Variants in DTYMK observed in about 807,000 individuals in gnomAD.
DTYMK encodes the protein thymidylate kinase.
In DTYMK, 20 loss-of-function variants were observed where a neutral mutation model predicts 20.3. The ratio of observed to expected loss-of-function variants is 0.99; its 90% confidence interval spans 0.69 to 1.43. The LOEUF is 1.43. Ranked by LOEUF, DTYMK falls within the 40% of genes most tolerant of loss-of-function variation. DTYMK has a pLI of 0.00. For synonymous variants in DTYMK, 148 were observed against 124.4 expected (o/e 1.19, Z -1.27); for missense variants, 320 against 291.1 (o/e 1.10, Z -0.72).
At chr2:241,676,290 C>T (rs908381373) in intron 4 of DTYMK, 53 bp from the exon 5 acceptor site, 75 of 1,541,732 alleles carry the variant, frequency 4.9e-5, no homozygotes, top group Middle Eastern at 4.3e-4. Flanking sequence ...ACGTTCCAGG[C>T]TGGTCACGGG....
intron 2 of DTYMK, chr2:241,682,294 T>C (rs779283732): frequency 4.4e-6 from 2 of 452,782 alleles, no homozygotes; most frequent in Non-Finnish European, 8.9e-6. Flanking sequence ...TAAGCTGTGA[T>C]TGCGCACTGC....
At chr2:241,685,950 CTGAATTTCTCCCGGACTCAAGTCTCACGT>C in intron 1 of DTYMK, 73 bp from the exon 2 acceptor site, 1 of 1,450,348 alleles carries the variant, frequency 6.9e-7, no homozygotes, top group Non-Finnish European at 9.6e-7. Context: ...ATAGTTTGGA[CTGAATTTCTCCCGGACTCAAGTCTCACGT>C]TGAATTTTAC....
intron 4 of DTYMK, among the ~76,000 whole-genome samples, chr2:241,678,003 C>T (rs963237361): frequency 9.2e-5 from 14 of 152,128 alleles, no homozygotes; most frequent in African/African-American, 2.4e-4. Context: ...TGGCCGGGCG[C>T]GATGGCTCAT....
At chr2:241,680,405 A>G (rs745705929) in intron 2 of DTYMK, 86 bp from the exon 3 acceptor site, 512 of 1,443,566 alleles carry the variant, frequency 3.5e-4, no homozygotes, top group Non-Finnish European at 4.4e-4. Flanking sequence ...GGCTGTGCGC[A>G]GTGGCTCACC....
intron 4 of DTYMK, 95 bp downstream of exon 4, chr2:241,678,357 G>T: frequency 6.5e-7 from 1 of 1,543,964 alleles, no homozygotes. Context: ...AGACGGAAAC[G>T]GCAGCAGCTT....
At chr2:241,685,698 G>T in intron 2 of DTYMK, 71 bp downstream of exon 2, 3 of 1,462,066 alleles carry the variant, frequency 2.1e-6, no homozygotes, top group Non-Finnish European at 2.9e-6. Context: ...AGAATCGAGT[G>T]CTGCGTTCAC....
rs200430731 is a variant in DTYMK at position 241,678,496 on chromosome 2, G to A, written c.484C>T (p.Arg162Trp). Residue 162 changes from arginine (R) to tryptophan (W), a missense_variant, in exon 4 of 5, where the codon CGG becomes TGG. Arg to Trp is a moderately radical substitution (Grantham distance 101). Transcript: ENST00000305784. ...TCTTTCATGAGCTGGTGGAAACACC[G>A]GAGCGCCCGCTCCTGGAAAGCCCCG... is the stretch of plus-strand genomic sequence containing the variant. ...ENGAFQERALRCFHQLMKDTT... is the reference protein window; with the variant it reads ...ENGAFQERALWCFHQLMKDTT... 5.0e-6 allele frequency: 8 copies of A among 1,614,176 alleles called. No homozygotes were observed. Among genetic ancestry groups the A allele is most frequent in the East Asian group, 2.2e-5 (1 of 44,880 alleles).
chr2:241,679,394 G>C lies in DTYMK; in HGVS notation c.331-745C>G, dbSNP rs147976535. Among the ~76,000 whole-genome samples the C allele has an allele frequency of 1.1e-3, 168 of 152,346 alleles. 1 individual carries two copies. Among genetic ancestry groups the C allele is most frequent in the African/African-American group, 3.8e-3 (156 of 41,576 alleles). On this transcript the variant is annotated intron_variant, in intron 3 of 4. Coordinates refer to ENST00000305784, the MANE Select transcript of DTYMK (RefSeq NM_012145.4). ...GCAGGAAGAAGCAAAGGAATCATGA[G>C]TCTTGTCCTCCTTATTATACAACGT...
At chr2:241,680,732 G>C (rs551326442) in intron 2 of DTYMK, among the ~76,000 whole-genome samples, 2 of 152,224 alleles carry the variant, frequency 1.3e-5, no homozygotes, top group East Asian at 3.9e-4. Flanking sequence ...ATGACAACAA[G>C]TACAGCACAG....
rs187813153 is a variant in DTYMK at position 241,685,426 on chromosome 2, G to A, written c.239+343C>T. 1,290 of 178,602 alleles carry A rather than the reference G, an allele frequency of 7.2e-3. 7 individuals are homozygous for A. The highest frequency in any genetic ancestry group is 0.011 in the Non-Finnish European group (958 of 85,332). The allele number at this position is 178,602 out of a possible 1,614,324, so 11.1% of individuals were successfully genotyped here. A position where few individuals can be genotyped will look rare whatever the true frequency, so the allele number is the denominator to read the frequency against. ...GGCGCGCCTGTAGTCCCAGCTACTC[G>A]GGAGGCTGACGCAGGAGAATCGCTT... On this transcript the variant is annotated intron_variant, in intron 2 of 4. Coordinates refer to ENST00000305784, the MANE Select transcript of DTYMK (RefSeq NM_012145.4).
At position 241,676,230 on chromosome 2, in the gene DTYMK, TCCACCATCTGTTC is replaced by T; in HGVS notation, c.529-6_535del. 1 of 1,611,000 alleles carries T rather than the reference TCCACCATCTGTTC, an allele frequency of 6.2e-7. No homozygotes were observed. Among genetic ancestry groups the T allele is most frequent in the Non-Finnish European group, 8.5e-7 (1 of 1,179,076 alleles). On this transcript the variant is annotated splice_acceptor_variant and splice_polypyrimidine_tract_variant and coding_sequence_variant and intron_variant, in exon 5 of 5. Transcript: ENST00000305784. LOFTEE classifies it high-confidence loss of function. ...GACAGCTTCGATGCTTTTGGAAGCA[TCCACCATCTGTTC>T]CCACCGGGGTTTCAGGAGAAAAAGA...
In DTYMK at chr2:241,685,854, G is replaced by A. The variant is rs1428126472; in HGVS notation, c.154C>T (p.Leu52Phe). The change falls in exon 2 of 5, where the codon CTT becomes TTT. Residue 52 changes from leucine (L) to phenylalanine (F), a missense_variant. Transcript: ENST00000305784. ...FPERSTEIGK[L>F]LSSYLQKKSD... ...TTCTTTTGCAAGTAGGAACTCAGAA[G>A]TTTGCCGATTTCAGTTGATCTTTCT... The A allele has an allele frequency of 6.2e-7, 1 of 1,614,028 alleles. No homozygotes were observed. The highest frequency in any genetic ancestry group is 1.3e-5 in the African/African-American group (1 of 74,920).
chr2:241,685,482 G>A (rs2069366788), intron 2 of DTYMK: 1 of 243,388 alleles, frequency 4.1e-6, no homozygotes, highest in Non-Finnish European at 7.9e-6. Flanking sequence ...GCAGTGAGCC[G>A]AGATCACACC....
chr2:241,684,719 A>C (rs1372854780), intron 2 of DTYMK: 2 of 467,326 alleles, frequency 4.3e-6, no homozygotes, highest in East Asian at 1.4e-4. Flanking sequence ...AACACACATC[A>C]ACATTAAGTG....
chr2:241,676,418 C>T (rs1395254714), intron 4 of DTYMK, among the ~76,000 whole-genome samples, 181 bp from the exon 5 acceptor site: 1 of 151,178 alleles, frequency 6.6e-6, no homozygotes, highest in African/African-American at 2.5e-5. Flanking sequence ...AAAAATGTGG[C>T]ACCACTCTAC....
In DTYMK at chr2:241,685,736, A is replaced by G. The variant is rs2069376110; in HGVS notation, c.239+33T>C. The G allele has an allele frequency of 1.9e-6, 3 of 1,594,798 alleles. No individual in the cohort carries two copies. The East Asian group carries it at 6.7e-5, about 36-fold the overall frequency. On this transcript the variant is annotated intron_variant, in intron 2 of 4. Coordinates refer to ENST00000305784, the MANE Select transcript of DTYMK (RefSeq NM_012145.4). ...AATCTCAGGAGGAAGGAAAGTGGCA[A>G]GGGCAGAGGGAGCAGTGTGCAATGG...
chr2:241,684,985 T>C (rs1451733132), intron 2 of DTYMK: 1 of 242,342 alleles, frequency 4.1e-6, no homozygotes, highest in African/African-American at 2.3e-5. Flanking sequence ...AGGCCAGGGG[T>C]TTGAGACCAG....
At position 241,686,727 on chromosome 2, in the gene DTYMK, C is replaced by T. The variant is rs2069425277; in HGVS notation, c.57G>A (p.Lys19=). 25 of 1,546,302 alleles carry T rather than the reference C, an allele frequency of 1.6e-5. No homozygotes were observed. The highest frequency in any genetic ancestry group is 1.5e-4 in the East Asian group (6 of 39,432). The change falls in exon 1 of 5, where the codon AAG becomes AAA. Residue 19 remains lysine, a synonymous_variant. Coordinates refer to ENST00000305784, the MANE Select transcript of DTYMK (RefSeq NM_012145.4). ...IVLEGVDRAG[K]STQSRKLVEA... is the part of the protein sequence containing the mutation. ...CCACCAGCTTGCGGCTCTGCGTGCT[C>T]TTCCCGGCGCGGTCCACGCCCTCCA...
intron 2 of DTYMK, among the ~76,000 whole-genome samples, chr2:241,681,612 G>A (rs1394659250): frequency 6.6e-6 from 1 of 152,236 alleles, no homozygotes; most frequent in Non-Finnish European, 1.5e-5. Context: ...CAGTAACACA[G>A]GAGAAAACTT....
Sources: gnomAD v4.1 joint callset for allele counts (sites outside exome capture counted in the v4.1 genomes callset) on GRCh38, gnomAD v4.1.1 for gene constraint, MANE v1.5 for transcripts, NCBI Gene and HGNC (gene_info 2026-07-23, HGNC 2026-07-21) for gene names.